The following CSMD1 variants were observed in gnomAD, a reference collection of about 807,000 sequenced individuals.
CSMD1 encodes CUB and Sushi multiple domains 1.
A neutral mutation model predicts 417.5 loss-of-function variants in CSMD1; 213 were observed. The observed-to-expected ratio is 0.51, with a 90% CI of 0.46 to 0.57. CSMD1 has a LOEUF of 0.57. Among genes scored for constraint, CSMD1 ranks in the 20% least tolerant of loss-of-function variants. The probability of loss-of-function intolerance (pLI) is 0.00; values close to 1 mark genes in which losing one functional copy is unlikely to be tolerated. For missense variants in CSMD1, 6,923 were observed against 4,529.7 expected (o/e 1.53, Z -15.17); for synonymous variants, 2,862 against 1,736.8 (o/e 1.65, Z -16.11).
chr8:4,869,914 T>A (rs1563635545), intron 1 of CSMD1, among the ~76,000 whole-genome samples: 2 of 152,184 alleles, frequency 1.3e-5, no homozygotes, highest in South Asian at 4.1e-4. Flanking sequence ...TTTTAGAGTA[T>A]AAAAGTGGTC....
intron 26 of CSMD1, among the ~76,000 whole-genome samples, chr8:3,241,747 T>C (rs568389961): frequency 1.3e-5 from 2 of 152,142 alleles, no homozygotes; most frequent in Non-Finnish European, 2.9e-5. Context: ...TTGGAAGTTC[T>C]TGTGTGCTGG....
At chr8:4,409,708 TGGA>T (rs1796541910) in intron 3 of CSMD1, among the ~76,000 whole-genome samples, 2 of 149,790 alleles carry the variant, frequency 1.3e-5, no homozygotes, top group African/African-American at 4.9e-5. Flanking sequence ...AAGGAGAAGG[TGGA>T]CACAGGCTTC....
chr8:3,884,875 C>T (rs930806187), intron 5 of CSMD1, among the ~76,000 whole-genome samples: 64 of 149,644 alleles, frequency 4.3e-4, no homozygotes, highest in African/African-American at 1.4e-3. Context: ...AATTTTGCTA[C>T]CATAAAAATT....
At chr8:3,596,214 G>A (rs905317201) in intron 8 of CSMD1, among the ~76,000 whole-genome samples, 4 of 152,038 alleles carry the variant, frequency 2.6e-5, no homozygotes, top group Non-Finnish European at 4.4e-5. Context: ...CCACCGCCCC[G>A]GCAGCCTGCA....
At chr8:3,510,193 C>CT (rs1273221057) in intron 10 of CSMD1, among the ~76,000 whole-genome samples, 4 of 149,930 alleles carry the variant, frequency 2.7e-5, no homozygotes, top group Admixed American at 6.6e-5. Flanking sequence ...GTGTGCTGTA[C>CT]TGTGGGGCTG....
At chr8:3,498,658 G>T (rs893737252) in intron 10 of CSMD1, among the ~76,000 whole-genome samples, 3 of 152,212 alleles carry the variant, frequency 2.0e-5, no homozygotes, top group South Asian at 2.1e-4. Flanking sequence ...CCTGCATTTT[G>T]TTCCACACAT....
At chr8:4,832,915 G>A (rs950921227) in intron 1 of CSMD1, among the ~76,000 whole-genome samples, 17 of 152,118 alleles carry the variant, frequency 1.1e-4, no homozygotes, top group African/African-American at 3.6e-4. Flanking sequence ...AGCACTCTAA[G>A]TTTAGTACCC....
intron 26 of CSMD1, among the ~76,000 whole-genome samples, chr8:3,271,149 G>T (rs888687808): frequency 1.4e-5 from 2 of 140,192 alleles, no homozygotes; most frequent in African/African-American, 2.7e-5. Context: ...TCATTGTTCA[G>T]TTCCCACCTT....
At chr8:3,713,115 A>C (rs1220751708) in intron 6 of CSMD1, among the ~76,000 whole-genome samples, 11 of 152,198 alleles carry the variant, frequency 7.2e-5, no homozygotes, top group Non-Finnish European at 1.6e-4. Context: ...TTAGGAAGAT[A>C]AATTATGGGG....
chr8:4,035,583 A>T (rs1001840679), intron 3 of CSMD1, among the ~76,000 whole-genome samples: 3 of 152,184 alleles, frequency 2.0e-5, no homozygotes, highest in Admixed American at 2.0e-4. Flanking sequence ...TGTGTGTTTG[A>T]GTCTTAATTT....
At chr8:3,416,878 A>C (rs1017108579) in intron 12 of CSMD1, among the ~76,000 whole-genome samples, 13 of 152,364 alleles carry the variant, frequency 8.5e-5, no homozygotes, top group Admixed American at 8.5e-4. Context: ...AAAACCACTT[A>C]TGAAAGTTCT....
intron 10 of CSMD1, among the ~76,000 whole-genome samples, chr8:3,506,267 C>G (rs1001310502): frequency 7.2e-5 from 11 of 152,318 alleles, no homozygotes; most frequent in Middle Eastern, 3.4e-3. Flanking sequence ...CTGGCATCAT[C>G]TGTCACAGAC....
chr8:4,397,630 A>C (rs1804341902), intron 3 of CSMD1, among the ~76,000 whole-genome samples: 1 of 150,110 alleles, frequency 6.7e-6, no homozygotes, highest in Non-Finnish European at 1.5e-5. Flanking sequence ...GAAACAGACA[A>C]TATGCATCAC....
At chr8:3,405,928 C>A (rs1305389152) in intron 15 of CSMD1, 99 bp downstream of exon 15, 8 of 1,128,346 alleles carry the variant, frequency 7.1e-6, no homozygotes, top group Admixed American at 6.9e-5. Flanking sequence ...TTTGTTAGGG[C>A]AGCCCTAGCA....
At chr8:2,973,676 A>C (rs1804659134) in intron 56 of CSMD1, among the ~76,000 whole-genome samples, 1 of 152,198 alleles carries the variant, frequency 6.6e-6, no homozygotes, top group Non-Finnish European at 1.5e-5. Context: ...AAAAAAAAAA[A>C]AAAGTCAAAG....
intron 54 of CSMD1, among the ~76,000 whole-genome samples, chr8:2,983,690 T>C (rs1805616643): frequency 6.6e-6 from 1 of 152,186 alleles, no homozygotes; most frequent in Non-Finnish European, 1.5e-5. Flanking sequence ...GCATCAGCAC[T>C]CTTTCCTACA....
chr8:4,118,019 G>C (rs777885419), intron 3 of CSMD1, among the ~76,000 whole-genome samples: 5 of 150,326 alleles, frequency 3.3e-5, no homozygotes, highest in East Asian at 1.9e-4. Context: ...GTAAAAAAAA[G>C]TTTTTCTCAA....
intron 2 of CSMD1, among the ~76,000 whole-genome samples, chr8:4,493,722 A>T (rs1801840153): frequency 6.6e-6 from 1 of 152,170 alleles, no homozygotes; most frequent in Non-Finnish European, 1.5e-5. Flanking sequence ...TATCAAAAAC[A>T]AAAACCTAAT....
intron 3 of CSMD1, among the ~76,000 whole-genome samples, chr8:4,360,568 C>A (rs944663276): frequency 6.6e-6 from 1 of 152,176 alleles, no homozygotes; most frequent in Non-Finnish European, 1.5e-5. Flanking sequence ...CGGCTCACTG[C>A]AAGCTCCGCC....
Sources: allele counts gnomAD v4.1 joint callset (sites outside exome capture counted in the v4.1 genomes callset), GRCh38; gene constraint gnomAD v4.1.1; transcripts MANE v1.5; gene names NCBI Gene and HGNC (gene_info 2026-07-23, HGNC 2026-07-21).